The following MAPKBP1 variants were observed in gnomAD, a reference collection of about 807,000 sequenced individuals.
MAPKBP1 encodes the protein mitogen-activated protein kinase-binding protein 1.
MAPKBP1 carries 71 observed loss-of-function variants against 170.5 expected under a neutral mutation model. That is an observed-to-expected ratio of 0.42 (90% CI 0.34 to 0.51). The LOEUF is 0.51. Among genes scored for constraint, MAPKBP1 ranks in the 20% least tolerant of loss-of-function variants. The probability of loss-of-function intolerance (pLI) is 0.06; values close to 1 mark genes in which losing one functional copy is unlikely to be tolerated. For missense variants in MAPKBP1, 1,598 were observed against 1,933.0 expected (o/e 0.83, Z 3.25); for synonymous variants, 719 against 757.9 (o/e 0.95, Z 0.84).
chr15:41,775,216 C>G lies in MAPKBP1; in HGVS notation c.-60C>G, dbSNP rs1031332938. Reference sequence around the variant, plus strand: ...GCCCTCTGGAGTGGGAAGACAGTGCCGCTGTTGAGACAAGACCCAGGACTG... The same window carrying G: ...GCCCTCTGGAGTGGGAAGACAGTGCGGCTGTTGAGACAAGACCCAGGACTG... On this transcript the variant is annotated 5_prime_UTR_variant, in exon 2 of 31. Coordinates refer to ENST00000457542, the MANE Select transcript of MAPKBP1 (RefSeq NM_014994.3). 1.1e-5 allele frequency: 15 copies of G among 1,378,720 alleles called. No individual in the cohort carries two copies. The highest frequency in any genetic ancestry group is 3.5e-5 in the Admixed American group (2 of 57,744). The allele number at this position is 1,378,720 out of a possible 1,614,324, so 85.4% of individuals were successfully genotyped here.
chr15:41,802,091 C>A (rs963293127), intron 3 of MAPKBP1, among the ~76,000 whole-genome samples: 4 of 152,096 alleles, frequency 2.6e-5, no homozygotes, highest in Non-Finnish European at 5.9e-5. Context: ...GTACTGAATA[C>A]TGTACATAAT....
Position 41,817,389 on chromosome 15 carries a change from C to G in MAPKBP1, c.1713C>G (p.Ala571=). The change falls in exon 15 of 31, where the codon GCC becomes GCG. Residue 571 remains alanine (A), a splice_region_variant and synonymous_variant. Transcript: ENST00000457542. The surrounding 1 kb of genome is among the most constrained non-coding windows in gnomAD (Gnocchi z 4.2). The part of the protein sequence containing the change: ...SSSITAVKFA[A]SDGQVRMISC... The stretch of plus-strand genomic sequence containing the variant: ...CAGCTGGGCTTCCCTCCTTCATAGC[C>G]AGTGATGGGCAAGTCCGCATGATCA... The G allele has an allele frequency of 1.2e-6, 2 of 1,614,062 alleles. No individual in the cohort carries two copies. The highest frequency in any genetic ancestry group is 1.7e-6 in the Non-Finnish European group (2 of 1,179,982).
intron 2 of MAPKBP1, among the ~76,000 whole-genome samples, chr15:41,787,624 C>T (rs550288181): frequency 3.3e-4 from 50 of 152,266 alleles, no homozygotes; most frequent in African/African-American, 1.2e-3. Context: ...CCTCAGCCTC[C>T]CAAAGTGCTG....
At chr15:41,787,766 A>C (rs28425570) in intron 2 of MAPKBP1, among the ~76,000 whole-genome samples, 2,733 of 152,220 alleles carry the variant, frequency 0.018, 81 homozygotes, top group African/African-American at 0.063. Flanking sequence ...GTTTGTAATC[A>C]TGTATGGCAC....
intron 2 of MAPKBP1, among the ~76,000 whole-genome samples, chr15:41,787,516 C>T (rs1414629804): frequency 6.6e-6 from 1 of 151,902 alleles, no homozygotes; most frequent in Non-Finnish European, 1.5e-5. Flanking sequence ...TACAGGCACC[C>T]GCCACCATGC....
chr15:41,787,832 A>T (rs1158796472), intron 2 of MAPKBP1, among the ~76,000 whole-genome samples: 1 of 152,182 alleles, frequency 6.6e-6, no homozygotes, highest in Non-Finnish European at 1.5e-5. Flanking sequence ...TCAGAATCTT[A>T]CTTCCTGCCA....
rs555101294 is a variant in MAPKBP1, at chr15:41,815,273, G to A, written c.1185G>A (p.Val395=). Residue 395 remains valine (V), a synonymous_variant, in exon 11 of 31, where the codon GTG becomes GTA. Coordinates refer to ENST00000457542, the MANE Select transcript of MAPKBP1 (RefSeq NM_014994.3). ...GGCCTCTTCAGGTCTACCCCGAGGT[G>A]AAGGATAGTAACCAGGCCTGCCTGC... ...CVWSVEVYPE[V]KDSNQACLPP... The A allele has an allele frequency of 1.9e-6, 3 of 1,614,104 alleles. No homozygotes were observed. The highest frequency in any genetic ancestry group is 1.7e-5 in the Admixed American group (1 of 60,004).
chr15:41,774,684 A>G (rs1249266198), intron 1 of MAPKBP1, 74 bp downstream of exon 1: 1 of 398,774 alleles, frequency 2.5e-6, no homozygotes, highest in Non-Finnish European at 4.4e-6. Flanking sequence ...AAAGGTCCAG[A>G]GCCGCTGTGG....
Position 41,777,483 on chromosome 15 carries a change from T to C in MAPKBP1, c.114+2094T>C, listed in dbSNP as rs554391319. 1.7e-4 allele frequency among the ~76,000 whole-genome samples: 26 copies of C among 152,214 alleles called. No individual in the cohort carries two copies. In the South Asian group the frequency reaches 5.0e-3, roughly 29 times the overall value. On this transcript the variant is annotated intron_variant, in intron 2 of 30. Transcript: ENST00000457542. ...ACCATTTACCATTCCCTGTTTAAAA[T>C]AGGAATTCAGTGCTTCAGACTGCTT...
Position 41,812,954 on chromosome 15 carries a change from G to A in MAPKBP1, c.672G>A (p.Gly224=). ...CTGTGCCCTTGCTGGGCCGCTCAGG[G>A]CTGCTGGGAGAGCTACGGAACAACC... ...NATVPLLGRS[G]LLGELRNNLF... Residue 224 remains glycine, a synonymous_variant, in exon 8 of 31, where the codon GGG becomes GGA. Coordinates refer to ENST00000457542, the MANE Select transcript of MAPKBP1 (RefSeq NM_014994.3). 6.2e-7 allele frequency: 1 copy of A among 1,611,720 alleles called. No homozygotes were observed. Among genetic ancestry groups the A allele is most frequent in the Non-Finnish European group, 8.5e-7 (1 of 1,178,684 alleles).
chr15:41,804,904 C>G (rs527611446), intron 3 of MAPKBP1, among the ~76,000 whole-genome samples: 4 of 152,304 alleles, frequency 2.6e-5, no homozygotes, highest in African/African-American at 9.6e-5. Context: ...CCCTGATGTG[C>G]TGCTGTGATG....
intron 2 of MAPKBP1, among the ~76,000 whole-genome samples, chr15:41,786,680 A>G (rs1184770739): frequency 2.0e-5 from 3 of 147,978 alleles, no homozygotes; most frequent in South Asian, 2.2e-4. Context: ...CAAGAGAATG[A>G]CATGAACCCG....
At chr15:41,808,105 C>CTTTCT (rs2064733058) in intron 3 of MAPKBP1, among the ~76,000 whole-genome samples, 1 of 109,460 alleles carries the variant, frequency 9.1e-6, no homozygotes, top group East Asian at 3.0e-4. Context: ...TTCTTTCTTT[C>CTTTCT]TTTTTTTTTT....
chr15:41,815,442 A>G, intron 11 of MAPKBP1, 37 bp downstream of exon 11: 2 of 1,609,698 alleles, frequency 1.2e-6, no homozygotes, highest in Non-Finnish European at 1.7e-6. Context: ...CTTCACCCTC[A>G]GTGCCCCCAT....
rs1042553319 is a variant in MAPKBP1, at chr15:41,822,627, T to G, written c.3264T>G (p.Ser1088=). The stretch of plus-strand genomic sequence containing the variant: ...TGCAGGTCCCAGAGAGGTCAGAGTC[T>G]CGGAGTATCTCTTCACGATTCCTGT... ...APVQVPERSE[S]RSISSRFLLQ... The change falls in exon 27 of 31, where the codon TCT becomes TCG. Residue 1088 remains serine (S), a synonymous_variant. Coordinates refer to ENST00000457542, the MANE Select transcript of MAPKBP1 (RefSeq NM_014994.3). 1 of 1,614,072 alleles carries G rather than the reference T, an allele frequency of 6.2e-7. No individual in the cohort carries two copies. The highest frequency in any genetic ancestry group is 8.5e-7 in the Non-Finnish European group (1 of 1,179,972).
At chr15:41,806,235 C>T (rs956610395) in intron 3 of MAPKBP1, among the ~76,000 whole-genome samples, 8 of 152,186 alleles carry the variant, frequency 5.3e-5, no homozygotes, top group African/African-American at 1.9e-4. Context: ...GCTTTGGAAA[C>T]AGTAGAAGCG....
chr15:41,825,346 T>C lies in MAPKBP1; in HGVS notation c.4437T>C (p.Ala1479=). The change falls in exon 31 of 31, where the codon GCT becomes GCC. Residue 1479 remains alanine, a synonymous_variant. Coordinates refer to ENST00000457542, the MANE Select transcript of MAPKBP1 (RefSeq NM_014994.3). The part of the protein sequence containing the change: ...VLSSPGSSPG[A]VGAEQTQALL... ...CCAGCCCAGGCAGCAGCCCTGGGGC[T>C]GTGGGAGCCGAGCAGACACAGGCCC... The C allele has an allele frequency of 6.2e-7, 1 of 1,613,454 alleles. No individual in the cohort carries two copies. Among genetic ancestry groups the C allele is most frequent in the South Asian group, 1.1e-5 (1 of 91,090 alleles).
At chr15:41,805,580 G>A (rs2064676278) in intron 3 of MAPKBP1, among the ~76,000 whole-genome samples, 1 of 152,222 alleles carries the variant, frequency 6.6e-6, no homozygotes, top group African/African-American at 2.4e-5. Flanking sequence ...CCTCTTGGTT[G>A]ATTTAAGTGG....
rs778561350 is a variant in MAPKBP1, at chr15:41,815,359, G to A, written c.1271G>A (p.Ser424Asn). The change falls in exon 11 of 31, where the codon AGC becomes AAC. Residue 424 changes from serine to asparagine, a missense_variant. By Grantham distance (46) the Ser-to-Asn change is conservative (BLOSUM62 1). Transcript: ENST00000457542. ...DNTIRLWNTESSGVHGSTLHR... is the reference protein window; with the variant it reads ...DNTIRLWNTENSGVHGSTLHR... ...ACCATCCGCCTGTGGAACACAGAGA[G>A]CTCCGGGGTGCATGGCTCCACCCTC... The A allele has an allele frequency of 2.2e-5, 36 of 1,614,062 alleles. No homozygotes were observed. In the South Asian group the frequency reaches 3.7e-4, roughly 17 times the overall value.
Sources: gnomAD v4.1 joint callset for allele counts (sites outside exome capture counted in the v4.1 genomes callset) on GRCh38, gnomAD v4.1.1 for gene constraint, Gnocchi (gnomAD v3.1) non-coding constraint, MANE v1.5 for transcripts, NCBI Gene and HGNC (gene_info 2026-07-23, HGNC 2026-07-21) for gene names.